The following CELF2 variants were observed in gnomAD, a reference collection of about 807,000 sequenced individuals.
The protein encoded by CELF2 is CUG triplet repeat RNA-binding protein 2.
Under a neutral mutation model 62.6 loss-of-function variants are expected in CELF2, and 8 were observed. The ratio of observed to expected loss-of-function variants is 0.13; its 90% confidence interval spans 0.07 to 0.23. The LOEUF is 0.23. Ranked by LOEUF, CELF2 falls within the 10% of genes least tolerant of loss-of-function variation. The pLI, the probability that CELF2 is intolerant of heterozygous loss-of-function variation, is 1.00. For synonymous variants in CELF2, 258 were observed against 250.0 expected, an observed-to-expected ratio of 1.03 and a Z score of -0.30; for missense variants, 333 against 671.0, an observed-to-expected ratio of 0.50 and a Z score of 5.56.
At chr10:10,873,997 A>G (rs140501138) in intron 1 of CELF2, among the ~76,000 whole-genome samples, 228 of 152,284 alleles carry the variant, frequency 1.5e-3, no homozygotes, top group African/African-American at 5.4e-3. Context: ...TGATGTAAAT[A>G]ATGTGCTGAA....
In CELF2 at chr10:11,260,469, C is replaced by T. The variant is rs763567709; in HGVS notation, c.538+2597C>T. On this transcript the variant is annotated intron_variant, in intron 5 of 12. Coordinates refer to ENST00000633077, the MANE Select transcript of CELF2 (RefSeq NM_001326342.2). The surrounding 1 kb of genome is among the most constrained non-coding windows in gnomAD (Gnocchi z 4.2). ...CAGCCAGAACCTCCATGGGAAAGAG[C>T]AGGACACGCAGTACTTAACAAGAGA... 1.3e-5 allele frequency among the ~76,000 whole-genome samples: 2 copies of T among 152,186 alleles called. No homozygotes were observed. Among genetic ancestry groups the T allele is most frequent in the Non-Finnish European group, 2.9e-5 (2 of 68,032 alleles).
At chr10:10,713,905 C>T in the CELF2 span, among the ~76,000 whole-genome samples, 4 of 152,018 alleles carry the variant, frequency 2.6e-5, no homozygotes, top group Admixed American at 2.0e-4. Context: ...TGTGGCGGCA[C>T]GTGTCTGTAA....
At chr10:10,823,039 G>A (rs569203508) in intron 1 of CELF2, among the ~76,000 whole-genome samples, 1 of 152,148 alleles carries the variant, frequency 6.6e-6, no homozygotes, top group African/African-American at 2.4e-5. Flanking sequence ...ATATATGTGG[G>A]TTATTGAGAA....
chr10:11,180,429 G>A (rs377743545), intron 2 of CELF2, among the ~76,000 whole-genome samples: 44 of 152,320 alleles, frequency 2.9e-4, no homozygotes, highest in African/African-American at 9.9e-4. Flanking sequence ...GGGCCGTTGA[G>A]CAGATTCAGT....
intron 3 of CELF2, among the ~76,000 whole-genome samples, chr10:11,221,756 G>GA (rs2136062756): frequency 6.6e-6 from 1 of 152,340 alleles, no homozygotes; most frequent in African/African-American, 2.4e-5. Context: ...CATCTTCTCT[G>GA]AATATGCCTT....
chr10:11,096,552 C>T (rs1414113011), intron 1 of CELF2: 1 of 152,202 alleles, frequency 6.6e-6, no homozygotes, highest in Non-Finnish European at 1.5e-5. Context: ...AAGGAAACTG[C>T]TGCAATCTCT....
chr10:10,749,047 T>C, the CELF2 span, among the ~76,000 whole-genome samples: 1 of 152,326 alleles, frequency 6.6e-6, no homozygotes, highest in African/African-American at 2.4e-5. Context: ...GGTAGTATTT[T>C]TGCTTTACGG....
rs1261030529 is a variant in CELF2, at chr10:11,207,945, T to A, written c.272-9480T>A. On this transcript the variant is annotated intron_variant, in intron 2 of 12. Transcript: ENST00000633077. The surrounding 1 kb of genome is among the most constrained non-coding windows in gnomAD (Gnocchi z 4.1). ...TTGGAGAGACATTTCAGATGAGAGG[T>A]TTAGGTTATAAAGAGACATTTTAGG... 6.6e-6 allele frequency among the ~76,000 whole-genome samples: 1 copy of A among 151,690 alleles called. No homozygotes were observed. Among genetic ancestry groups the A allele is most frequent in the Non-Finnish European group, 1.5e-5 (1 of 67,856 alleles).
At chr10:10,614,660 A>T in the CELF2 span, among the ~76,000 whole-genome samples, 2 of 152,152 alleles carry the variant, frequency 1.3e-5, no homozygotes, top group Admixed American at 6.5e-5. Flanking sequence ...GCCTGTTGAC[A>T]GGGAGAGAGA....
intron 1 of CELF2, among the ~76,000 whole-genome samples, chr10:10,832,826 G>A (rs1438680031): frequency 6.6e-6 from 1 of 152,092 alleles, no homozygotes; most frequent in Admixed American, 6.5e-5. Flanking sequence ...AATCGGAGGG[G>A]AGAGAAGATA....
chr10:11,025,982 T>A (rs1303099904), intron 1 of CELF2, among the ~76,000 whole-genome samples: 1 of 152,196 alleles, frequency 6.6e-6, no homozygotes, highest in Non-Finnish European at 1.5e-5. Flanking sequence ...CACTGCTGAG[T>A]CCTTGGATCT....
the CELF2 span, among the ~76,000 whole-genome samples, chr10:10,658,549 A>G: frequency 2.0e-5 from 3 of 152,200 alleles, no homozygotes; most frequent in African/African-American, 7.2e-5. Flanking sequence ...TCCCTCTTCT[A>G]GGAAACCAAA....
intron 7 of CELF2, among the ~76,000 whole-genome samples, chr10:11,273,968 A>ACCCCCCCCCCCCCC (rs10612614): frequency 3.9e-4 from 38 of 96,454 alleles, no homozygotes; most frequent in Non-Finnish European, 5.9e-4. Context: ...AGTGATCCCC[A>ACCCCCCCCCCCCCC]CCCCCCCCCC....
At chr10:11,096,936 C>T (rs1006660293) in intron 1 of CELF2, among the ~76,000 whole-genome samples, 10 of 152,112 alleles carry the variant, frequency 6.6e-5, no homozygotes, top group African/African-American at 2.4e-4. Context: ...ACTCCTCCTC[C>T]TCCTTTCCTT....
the CELF2 span, among the ~76,000 whole-genome samples, chr10:10,666,861 C>CAAAAAAAAAAAAAAA: frequency 4.0e-5 from 1 of 25,218 alleles, no homozygotes; most frequent in Non-Finnish European, 7.2e-5. Context: ...GACTCCGTCT[C>CAAAAAAAAAAAAAAA]AAAAAAAAAA....
At chr10:10,970,904 T>G (rs1195351405) in intron 2 of CELF2, 6 of 151,924 alleles carry the variant, frequency 3.9e-5, no homozygotes. Context: ...AGTTGAGATA[T>G]AGAAAGTCAA....
intron 1 of CELF2, among the ~76,000 whole-genome samples, chr10:10,872,335 A>G (rs1286897710): frequency 2.0e-5 from 3 of 152,186 alleles, no homozygotes; most frequent in African/African-American, 7.2e-5. Flanking sequence ...CAACAAATTA[A>G]CTTCTCACTT....
chr10:11,289,240 A>C (rs2092072424), intron 9 of CELF2, among the ~76,000 whole-genome samples: 1 of 152,128 alleles, frequency 6.6e-6, no homozygotes, highest in Non-Finnish European at 1.5e-5. Flanking sequence ...TGAGTTTTCC[A>C]GACCTCAATA....
the CELF2 span, among the ~76,000 whole-genome samples, chr10:10,495,967 A>G: frequency 6.6e-6 from 1 of 152,256 alleles, no homozygotes. Flanking sequence ...AAAGAATGGT[A>G]TTTAACATTT....
Sources: gnomAD v4.1 joint callset for allele counts (sites outside exome capture counted in the v4.1 genomes callset) on GRCh38, gnomAD v4.1.1 for gene constraint, Gnocchi (gnomAD v3.1) non-coding constraint, MANE v1.5 for transcripts, NCBI Gene and HGNC (gene_info 2026-07-23, HGNC 2026-07-21) for gene names.